Variants in ARB2A observed in about 807,000 individuals in gnomAD.
ARB2A encodes cotranscriptional regulator ARB2A.
At chr5:93,754,760 T>A in the ARB2A span, among the ~76,000 whole-genome samples, 2 of 152,248 alleles carry the variant, frequency 1.3e-5, no homozygotes, top group Non-Finnish European at 2.9e-5. Flanking sequence ...TCTAATTTTA[T>A]CTAACTGCTA....
chr5:93,703,229 T>C, the ARB2A span, among the ~76,000 whole-genome samples: 2 of 152,164 alleles, frequency 1.3e-5, no homozygotes, highest in Non-Finnish European at 2.9e-5. Flanking sequence ...GCTGCTACCA[T>C]GGCAAACCTT....
At chr5:93,774,229 G>T in the ARB2A span, among the ~76,000 whole-genome samples, 1 of 152,198 alleles carries the variant, frequency 6.6e-6, no homozygotes, top group African/African-American at 2.4e-5. Context: ...GGGCCTCCCT[G>T]TTCCTTGAAA....
chr5:93,844,539 G>GTAA, the ARB2A span, among the ~76,000 whole-genome samples: 2 of 152,036 alleles, frequency 1.3e-5, no homozygotes, highest in African/African-American at 4.8e-5. Flanking sequence ...AATGCAGAAA[G>GTAA]TAAAAAAATT....
chr5:93,791,646 C>G, the ARB2A span, among the ~76,000 whole-genome samples: 1 of 152,150 alleles, frequency 6.6e-6, no homozygotes, highest in African/African-American at 2.4e-5. Context: ...CTTTGAAGCC[C>G]TAGCTTCAAT....
chr5:93,870,439 G>A, the ARB2A span, among the ~76,000 whole-genome samples: 1 of 152,196 alleles, frequency 6.6e-6, no homozygotes, highest in African/African-American at 2.4e-5. Context: ...ATAAATAAAT[G>A]TTAATAAACT....
At chr5:93,873,339 G>A in the ARB2A span, among the ~76,000 whole-genome samples, 6 of 6,410 alleles carry the variant, frequency 9.4e-4, no homozygotes, top group South Asian at 0.058. Context: ...GGAAAGGAAA[G>A]GAAAGGAAAG....
At chr5:93,969,913 T>G in the ARB2A span, among the ~76,000 whole-genome samples, 1 of 152,054 alleles carries the variant, frequency 6.6e-6, no homozygotes, top group East Asian at 1.9e-4. Context: ...AGAAGCCTCC[T>G]AGAAGGTACT....
At chr5:93,630,800 G>A in the ARB2A span, among the ~76,000 whole-genome samples, 8 of 152,106 alleles carry the variant, frequency 5.3e-5, no homozygotes, top group South Asian at 2.1e-4. Flanking sequence ...TTAGCCAGGC[G>A]CGATGGCATG....
chr5:94,082,543 T>C, the ARB2A span, among the ~76,000 whole-genome samples: 3 of 152,166 alleles, frequency 2.0e-5, no homozygotes, highest in Non-Finnish European at 2.9e-5. Flanking sequence ...CAGATCATAA[T>C]TGTACTGCAA....
At chr5:93,677,026 G>A in the ARB2A span, among the ~76,000 whole-genome samples, 4 of 152,110 alleles carry the variant, frequency 2.6e-5, no homozygotes, top group Admixed American at 6.5e-5. Flanking sequence ...ATCATCCTAC[G>A]AATATCTGGC....
At chr5:93,879,148 G>A in the ARB2A span, among the ~76,000 whole-genome samples, 1 of 152,006 alleles carries the variant, frequency 6.6e-6, no homozygotes, top group Non-Finnish European at 1.5e-5. Context: ...GAGAGAAGAA[G>A]AGCACTAGCA....
chr5:93,731,917 C>G, the ARB2A span, among the ~76,000 whole-genome samples: 1 of 152,202 alleles, frequency 6.6e-6, no homozygotes, highest in African/African-American at 2.4e-5. Flanking sequence ...AATAGAAGAG[C>G]TGATAGCAGA....
the ARB2A span, among the ~76,000 whole-genome samples, chr5:93,669,154 G>A: frequency 6.6e-6 from 1 of 152,310 alleles, no homozygotes; most frequent in East Asian, 1.9e-4. Flanking sequence ...TACCACTGCT[G>A]TATTCCCCAC....
the ARB2A span, chr5:94,074,687 T>G: frequency 6.2e-7 from 1 of 1,613,082 alleles, no homozygotes; most frequent in South Asian, 1.1e-5. Flanking sequence ...TGGACCTCCC[T>G]GCTGGATTTG....
the ARB2A span, among the ~76,000 whole-genome samples, chr5:94,065,012 A>C: frequency 6.6e-6 from 1 of 152,222 alleles, no homozygotes; most frequent in Non-Finnish European, 1.5e-5. Flanking sequence ...GAAAAAAACA[A>C]AGGATATTAA....
chr5:94,100,709 T>C, the ARB2A span, among the ~76,000 whole-genome samples: 5 of 152,108 alleles, frequency 3.3e-5, no homozygotes, highest in African/African-American at 1.2e-4. Flanking sequence ...ATTCAAAAAA[T>C]GGTGCTGAGA....
chr5:94,107,628 T>TTG, the ARB2A span, among the ~76,000 whole-genome samples: 1 of 152,140 alleles, frequency 6.6e-6, no homozygotes, highest in Non-Finnish European at 1.5e-5. Context: ...GATTATATTT[T>TTG]AAAAATTTTT....
the ARB2A span, among the ~76,000 whole-genome samples, chr5:94,046,591 G>T: frequency 1.3e-5 from 2 of 152,090 alleles, no homozygotes; most frequent in African/African-American, 4.8e-5. Flanking sequence ...CTAGCAAGGG[G>T]ACTCCCTGCC....
chr5:93,996,534 G>C, the ARB2A span, among the ~76,000 whole-genome samples: 19 of 151,980 alleles, frequency 1.3e-4, no homozygotes, highest in Non-Finnish European at 2.8e-4. Flanking sequence ...ATCCAAGTCA[G>C]ATTTCTTGCA....
Sources: gnomAD v4.1 joint callset for allele counts (sites outside exome capture counted in the v4.1 genomes callset) on GRCh38, gnomAD v4.1.1 for gene constraint, MANE v1.5 for transcripts, NCBI Gene and HGNC (gene_info 2026-07-23, HGNC 2026-07-21) for gene names.